The following CEP43 variants were observed in gnomAD, a reference collection of about 807,000 sequenced individuals.
CEP43 encodes centrosomal protein 43, also known as FGFR1 oncogene partner.
CEP43 carries 36 observed loss-of-function variants against 52.6 expected under a neutral mutation model. That is an observed-to-expected ratio of 0.68 (90% CI 0.52 to 0.90). CEP43 has a LOEUF of 0.90. CEP43 is among the 40% of genes least tolerant of loss of function. The pLI, the probability that CEP43 is intolerant of heterozygous loss-of-function variation, is 0.00. For missense variants in CEP43, 506 were observed against 472.8 expected, an observed-to-expected ratio of 1.07 and a Z score of -0.65; for synonymous variants, 192 against 172.4, an observed-to-expected ratio of 1.11 and a Z score of -0.89.
rs2128669157 is a variant in CEP43 at position 167,040,305 on chromosome 6, T to C, written c.*327T>C. ...ATGATGAAAGGTGTCAATAAAGCCG[T>C]AGGATCGCGCAACCCTTTGTGTGTG... On this transcript the variant is annotated 3_prime_UTR_variant, in exon 13 of 13. Coordinates refer to ENST00000366847, the MANE Select transcript of CEP43 (RefSeq NM_007045.4). 2 of 1,446,748 alleles carry C rather than the reference T, an allele frequency of 1.4e-6. No individual in the cohort carries two copies. Among genetic ancestry groups the C allele is most frequent in the African/African-American group, 1.4e-5 (1 of 70,168 alleles). The allele number at this position is 1,446,748 out of a possible 1,614,324, so 89.6% of individuals were successfully genotyped here.
chr6:167,001,317 T>C (rs1180820534), intron 2 of CEP43, among the ~76,000 whole-genome samples: 1 of 152,246 alleles, frequency 6.6e-6, no homozygotes, highest in African/African-American at 2.4e-5. Context: ...ACCCCTTCCT[T>C]TTCTGATGGC....
chr6:167,028,490 A>G (rs1287771823), intron 10 of CEP43: 1 of 985,050 alleles, frequency 1.0e-6, no homozygotes, highest in Non-Finnish European at 1.2e-6. Flanking sequence ...ATAAAGTTTT[A>G]TTTCGTTTTG....
At chr6:167,007,031 G>A (rs892764448) in intron 5 of CEP43, among the ~76,000 whole-genome samples, 1 of 152,154 alleles carries the variant, frequency 6.6e-6, no homozygotes, top group Non-Finnish European at 1.5e-5. Flanking sequence ...TGTTTTGATT[G>A]ATTCTATTCC....
In CEP43 at chr6:167,004,290, T is replaced by G; in HGVS notation, c.327T>G (p.Asn109Lys). Residue 109 changes from asparagine (N) to lysine (K), a missense_variant, in exon 5 of 13, where the codon AAT (asparagine) becomes AAG (lysine). By Grantham distance (94) the Asn-to-Lys change is moderately conservative. Transcript: ENST00000366847. ...TGCAAGGTCTCGAAGGTCGAGAGAATTTAGCCCGAGATTTAGGTATAATTG... is the reference window on the plus strand; with the variant it reads ...TGCAAGGTCTCGAAGGTCGAGAGAAGTTAGCCCGAGATTTAGGTATAATTG... ...STLQGLEGRE[N>K]LARDLGIIEA... is the part of the protein sequence containing the mutation. The G allele has an allele frequency of 1.2e-6, 2 of 1,608,992 alleles. No individual in the cohort carries two copies. Among genetic ancestry groups the G allele is most frequent in the Non-Finnish European group, 1.7e-6 (2 of 1,177,822 alleles).
At position 167,045,475 on chromosome 6, in the gene CEP43, T is replaced by G. The variant is rs1780780267; in HGVS notation, c.*5497T>G. ...GGCCGGGCACGGTGGCTCACGCCTG[T>G]AATCCCAGCACTTTGGGAGGCCGAG... On this transcript the variant is annotated 3_prime_UTR_variant, in exon 13 of 13. Transcript: ENST00000366847. 1 of 149,674 alleles carries G rather than the reference T, an allele frequency of 6.7e-6. No homozygotes were observed. Among genetic ancestry groups the G allele is most frequent in the Admixed American group, 6.7e-5 (1 of 15,028 alleles). The allele number at this position is 149,674 out of a possible 1,614,324, so 9.3% of individuals were successfully genotyped here.
In CEP43 at chr6:167,013,500, A is replaced by G; in HGVS notation, c.520-8A>G. ...TGTGGTAAAATCTCATTTTATTCTC[A>G]TGCTCAGATACCAAGGTATAAAGGA... is the stretch of plus-strand genomic sequence containing the variant. On this transcript the variant is annotated splice_polypyrimidine_tract_variant and splice_region_variant and intron_variant, in intron 6 of 12. Coordinates refer to ENST00000366847, the MANE Select transcript of CEP43 (RefSeq NM_007045.4). The G allele has an allele frequency of 6.2e-7, 1 of 1,609,756 alleles. No individual in the cohort carries two copies. The highest frequency in any genetic ancestry group is 8.5e-7 in the Non-Finnish European group (1 of 1,176,848).
intron 5 of CEP43, among the ~76,000 whole-genome samples, chr6:167,006,400 A>G (rs1779854956): frequency 6.6e-6 from 1 of 152,134 alleles, no homozygotes; most frequent in Non-Finnish European, 1.5e-5. Context: ...CTGTAGTCCC[A>G]GCTACTTGGG....
rs1780843973 is a variant in CEP43 at position 167,049,597 on chromosome 6, T to C, written c.*9619T>C. The C allele has an allele frequency of 6.6e-6, 1 of 152,288 alleles. No homozygotes were observed. The highest frequency in any genetic ancestry group is 6.5e-5 in the Admixed American group (1 of 15,292). The allele number at this position is 152,288 out of a possible 1,614,324, so 9.4% of individuals were successfully genotyped here. On this transcript the variant is annotated 3_prime_UTR_variant, in exon 13 of 13. Transcript: ENST00000366847. ...TCCATTGTAGGGATTGACCACACTTTATCCATTCATTGGTTGATGGACATT... is the reference window on the plus strand; with the variant it reads ...TCCATTGTAGGGATTGACCACACTTCATCCATTCATTGGTTGATGGACATT...
intron 2 of CEP43, 25 bp from the exon 3 acceptor site, chr6:167,003,168 A>G: frequency 9.3e-7 from 1 of 1,080,230 alleles, no homozygotes; most frequent in South Asian, 1.5e-5. Context: ...AACACATGAC[A>G]CTTAAATTTT....
intron 12 of CEP43, chr6:167,036,711 A>T: frequency 1.0e-6 from 1 of 983,522 alleles, no homozygotes; most frequent in South Asian, 4.7e-5. Flanking sequence ...TTTGTGATGT[A>T]AAATCTATTT....
chr6:167,037,025 C>G (rs112644665), intron 12 of CEP43, among the ~76,000 whole-genome samples: 3,808 of 152,258 alleles, frequency 0.025, 170 homozygotes, highest in African/African-American at 0.088. Flanking sequence ...AGGCTGGTCT[C>G]AAACTCCTGG....
In CEP43 at chr6:167,042,850, G is replaced by A. The variant is rs1780728238; in HGVS notation, c.*2872G>A. 1 of 152,270 alleles carries A rather than the reference G, an allele frequency of 6.6e-6. No individual in the cohort carries two copies. The highest frequency in any genetic ancestry group is 2.5e-5 in the African/African-American group (1 of 40,348). The allele number at this position is 152,270 out of a possible 1,614,324, so 9.4% of individuals were successfully genotyped here. A position where few individuals can be genotyped will look rare whatever the true frequency, so the allele number is the denominator to read the frequency against. On this transcript the variant is annotated 3_prime_UTR_variant, in exon 13 of 13. Coordinates refer to ENST00000366847, the MANE Select transcript of CEP43 (RefSeq NM_007045.4). ...TGTGTGTGTGTGTGTTTAACTATGAGCTCGTGAGAACAGGGATTTTCTTTT... is the reference window on the plus strand; with the variant it reads ...TGTGTGTGTGTGTGTTTAACTATGAACTCGTGAGAACAGGGATTTTCTTTT...
At chr6:167,034,999 A>G (rs947964252) in intron 12 of CEP43, among the ~76,000 whole-genome samples, 3 of 152,206 alleles carry the variant, frequency 2.0e-5, no homozygotes, top group South Asian at 2.1e-4. Flanking sequence ...AGGATTCTTT[A>G]AATATGAGGG....
intron 7 of CEP43, among the ~76,000 whole-genome samples, chr6:167,018,476 C>CA (rs2128662614): frequency 6.6e-6 from 1 of 152,176 alleles, no homozygotes; most frequent in South Asian, 2.1e-4. Flanking sequence ...CTGCAACCTC[C>CA]AACTTCCTGG....
chr6:167,005,869 TTC>T (rs1402040650), intron 5 of CEP43, among the ~76,000 whole-genome samples: 2 of 152,206 alleles, frequency 1.3e-5, no homozygotes, highest in Non-Finnish European at 2.9e-5. Flanking sequence ...TCATTTTCTT[TTC>T]TGTTTAGTAG....
chr6:167,022,581 A>T lies in CEP43; in HGVS notation c.752A>T (p.Glu251Val). Residue 251 changes from glutamate to valine, a missense_variant, in exon 8 of 13, where the codon GAA becomes GTA. Physicochemically the swap from Glu to Val is moderately radical, Grantham distance 121 (BLOSUM62 -2). Transcript: ENST00000366847. ...AGLCPDEDDM[E>V]GDSFFDDPIP... Reference sequence around the variant, plus strand: ...CTTTGTCCAGATGAAGATGATATGGAAGGAGATTCTTTCTTTGATGATCCC... The same window carrying T: ...CTTTGTCCAGATGAAGATGATATGGTAGGAGATTCTTTCTTTGATGATCCC... 2 of 1,614,146 alleles carry T rather than the reference A, an allele frequency of 1.2e-6. No homozygotes were observed. The highest frequency in any genetic ancestry group is 1.7e-6 in the Non-Finnish European group (2 of 1,180,006).
At chr6:167,022,321 T>A in intron 7 of CEP43, 88 bp from the exon 8 acceptor site, 1 of 899,972 alleles carries the variant, frequency 1.1e-6, no homozygotes, top group Non-Finnish European at 1.7e-6. Flanking sequence ...ACAGGTTTGA[T>A]TATGCTCATG....
At chr6:167,037,184 T>C (rs1034277964) in intron 12 of CEP43, among the ~76,000 whole-genome samples, 1 of 152,254 alleles carries the variant, frequency 6.6e-6, no homozygotes, top group African/African-American at 2.4e-5. Flanking sequence ...CTACTTTAAA[T>C]GAAACTGTTC....
At chr6:167,010,940 G>T in intron 6 of CEP43, 47 bp downstream of exon 6, 2 of 1,130,098 alleles carry the variant, frequency 1.8e-6, no homozygotes, top group South Asian at 1.5e-5. Flanking sequence ...CTTAACTCCA[G>T]AGTGCTCTGC....
Sources: gnomAD v4.1 joint callset for allele counts (sites outside exome capture counted in the v4.1 genomes callset) on GRCh38, gnomAD v4.1.1 for gene constraint, MANE v1.5 for transcripts, NCBI Gene and HGNC (gene_info 2026-07-23, HGNC 2026-07-21) for gene names.